EHD1: variants seen among roughly 807,000 people sequenced by gnomAD.
The protein encoded by EHD1 is EH domain containing 1, also known as EH domain-containing protein 1.
A neutral mutation model predicts 39.0 loss-of-function variants in EHD1; 19 were observed. That is an observed-to-expected ratio of 0.49 (90% CI 0.34 to 0.72). The LOEUF is 0.72. Ranked by LOEUF, EHD1 falls within the 30% of genes least tolerant of loss-of-function variation. EHD1 has a pLI of 0.01. For synonymous variants in EHD1, 323 were observed against 331.2 expected (o/e 0.98, Z 0.27); for missense variants, 542 against 751.5 (o/e 0.72, Z 3.26).
intron 2 of EHD1, among the ~76,000 whole-genome samples, chr11:64,873,358 G>A (rs1009324019): frequency 6.6e-5 from 10 of 152,200 alleles, no homozygotes; most frequent in East Asian, 1.9e-4. Flanking sequence ...CCTGCTGGAC[G>A]TGTGAGGAAT....
intron 3 of EHD1, among the ~76,000 whole-genome samples, chr11:64,858,190 C>CTTTCT (rs1555177684): frequency 1.4e-5 from 2 of 142,600 alleles, no homozygotes; most frequent in Non-Finnish European, 3.0e-5. Flanking sequence ...TATTTCTTTT[C>CTTTCT]TTTTTTTTTG....
In EHD1 at chr11:64,854,245, T is replaced by C. The variant is rs2136471627; in HGVS notation, c.*88A>G. The C allele has an allele frequency of 1.4e-6, 2 of 1,477,424 alleles. No individual in the cohort carries two copies. The highest frequency in any genetic ancestry group is 2.4e-5 in the Admixed American group (1 of 42,526). The allele number at this position is 1,477,424 out of a possible 1,614,324, so 91.5% of individuals were successfully genotyped here. On this transcript the variant is annotated 3_prime_UTR_variant, in exon 5 of 5. Transcript: ENST00000320631. The stretch of plus-strand genomic sequence containing the variant: ...CGAGGAAACATCCGCTCAGTCTTTA[T>C]GGACCTTGAGAAATGGTGAGGCTTC...
At chr11:64,876,046 A>G (rs1203749158) in intron 1 of EHD1, among the ~76,000 whole-genome samples, 25 of 152,178 alleles carry the variant, frequency 1.6e-4, no homozygotes, top group Non-Finnish European at 1.5e-5. Flanking sequence ...AAGAAAGGGG[A>G]AGCAGCAAAG....
At position 64,854,644 on chromosome 11, in the gene EHD1, C is replaced by T. The variant is rs145959349; in HGVS notation, c.1294G>A (p.Glu432Lys). The T allele has an allele frequency of 1.2e-5, 19 of 1,613,832 alleles. No homozygotes were observed. Among genetic ancestry groups the T allele is most frequent in the East Asian group, 2.2e-5 (1 of 44,884 alleles). ...FGHGYGEGAG[E>K]GIDDVEWVVG... ...ACCCACTCCACGTCGTCGATGCCCT[C>T]GCCGGCCCCCTCGCCGTAGCCGTGC... The change falls in exon 5 of 5, where the codon GAG (glutamate) becomes AAG (lysine). Residue 432 changes from glutamate to lysine, a missense_variant. Transcript: ENST00000320631.
rs1181843765 is a variant in EHD1, at chr11:64,878,365, G to T, written c.100C>A (p.Leu34Ile). The change falls in exon 1 of 5, where the codon CTA becomes ATA. Residue 34 changes from leucine to isoleucine, a missense_variant. Coordinates refer to ENST00000320631, the MANE Select transcript of EHD1 (RefSeq NM_006795.4). Reference protein sequence around the residue: ...GLRQLYAQKLLPLEEHYRFHE... With the variant: ...GLRQLYAQKLIPLEEHYRFHE... Reference sequence around the variant, plus strand: ...AAGCGGTAGTGCTCCTCCAGGGGTAGCAGCTTCTGCGCGTACAGCTGCCGC... The same window carrying T: ...AAGCGGTAGTGCTCCTCCAGGGGTATCAGCTTCTGCGCGTACAGCTGCCGC... 6.2e-7 allele frequency: 1 copy of T among 1,613,784 alleles called. No homozygotes were observed. Among genetic ancestry groups the T allele is most frequent in the Non-Finnish European group, 8.5e-7 (1 of 1,180,034 alleles).
intron 2 of EHD1, among the ~76,000 whole-genome samples, chr11:64,864,340 C>A (rs567405813): frequency 5.3e-5 from 8 of 152,270 alleles, no homozygotes; most frequent in Non-Finnish European, 1.2e-4. Context: ...CAGGGCACCT[C>A]ATGCCACCAC....
chr11:64,878,972 C>A, upstream of EHD1: 1 of 1,002,598 alleles, frequency 1.0e-6, no homozygotes, highest in Non-Finnish European at 1.2e-6. Flanking sequence ...CGCGGGATGG[C>A]TCCACGAGAC....
At chr11:64,879,669 G>C (rs937842621), upstream of EHD1, 27 of 1,550,578 alleles carry the variant, frequency 1.7e-5, no homozygotes, top group African/African-American at 6.8e-5. Context: ...GCCACACACA[G>C]ACCCCTTTGG....
chr11:64,871,079 A>C (rs1475563987), intron 2 of EHD1, among the ~76,000 whole-genome samples: 8 of 152,178 alleles, frequency 5.3e-5, no homozygotes, highest in Non-Finnish European at 1.0e-4. Context: ...AAGGGGAAAA[A>C]AAGTCAGGAG....
At chr11:64,856,770 G>A in intron 3 of EHD1, 1 of 152,336 alleles carries the variant, frequency 6.6e-6, no homozygotes, top group East Asian at 1.9e-4. Context: ...AGTCATCACA[G>A]AGAGCACCAC....
chr11:64,864,240 C>G (rs1022910170), intron 2 of EHD1, among the ~76,000 whole-genome samples: 1 of 152,214 alleles, frequency 6.6e-6, no homozygotes, highest in African/African-American at 2.4e-5. Flanking sequence ...CGGGGAGGCC[C>G]GATCAGCCTT....
rs1943793205 is a variant in EHD1 at position 64,868,539 on chromosome 11, C to A, written c.502+5882G>T. 6.6e-6 allele frequency among the ~76,000 whole-genome samples: 1 copy of A among 152,212 alleles called. No homozygotes were observed. The highest frequency in any genetic ancestry group is 2.4e-5 in the African/African-American group (1 of 41,454). The stretch of plus-strand genomic sequence containing the variant: ...GGCTCTCAAACACACAGATGCAGCT[C>A]AGAAGCATCCTGCTAAGTGAAGGTG... On this transcript the variant is annotated intron_variant, in intron 2 of 4. Transcript: ENST00000320631. This position sits in a 1 kb window ranked among gnomAD's most constrained non-coding sequence, Gnocchi z 4.2.
intron 2 of EHD1, among the ~76,000 whole-genome samples, chr11:64,862,334 G>A (rs1360401749): frequency 2.0e-5 from 3 of 152,216 alleles, no homozygotes; most frequent in African/African-American, 7.2e-5. Context: ...GAAGGAACCA[G>A]ATATAACTAT....
chr11:64,859,710 T>G, intron 3 of EHD1: 2 of 657,980 alleles, frequency 3.0e-6, no homozygotes, highest in South Asian at 2.2e-5. Flanking sequence ...CAGAACAGGT[T>G]TAGAGGGAGG....
In EHD1 at chr11:64,854,827, A is replaced by T; in HGVS notation, c.1111T>A (p.Phe371Ile). Residue 371 changes from phenylalanine (F) to isoleucine (I), a missense_variant, in exon 5 of 5, where the codon TTC becomes ATC. Phe to Ile is a conservative substitution (Grantham distance 21). Transcript: ENST00000320631. The stretch of plus-strand genomic sequence containing the variant: ...AGCAGCTTGGGCTTCAGCGCCTGGA[A>T]CTTGCTGAAGTCCTGGGTCTGCAGG... ...ELLQTQDFSK[F>I]QALKPKLLDT... The T allele has an allele frequency of 6.2e-7, 1 of 1,600,334 alleles. No homozygotes were observed. Among genetic ancestry groups the T allele is most frequent in the Non-Finnish European group, 8.5e-7 (1 of 1,179,798 alleles).
intron 2 of EHD1, among the ~76,000 whole-genome samples, chr11:64,862,813 G>A (rs535085778): frequency 5.9e-5 from 9 of 152,344 alleles, no homozygotes; most frequent in Non-Finnish European, 1.2e-4. Context: ...GGTTGAGGCT[G>A]CAGTGAGCCG....
At chr11:64,874,301 C>CAA (rs35867760) in intron 2 of EHD1, 120 bp downstream of exon 2, 25,585 of 468,876 alleles carry the variant, frequency 0.055, 16 homozygotes, top group Non-Finnish European at 0.06. Flanking sequence ...AAGACTCCGT[C>CAA]AAAAAAAAAA....
chr11:64,878,142 A>G lies in EHD1; in HGVS notation c.323T>C (p.Val108Ala). Residue 108 changes from valine (V) to alanine (A), a missense_variant, in exon 1 of 5, where the codon GTG becomes GCG. By Grantham distance (64) the Val-to-Ala change is moderately conservative. Coordinates refer to ENST00000320631, the MANE Select transcript of EHD1 (RefSeq NM_006795.4). ...CACCACGAGCGCGTTGCCCGGCACC[A>G]CGCCCTCAGTGGGGCCGTGCATGAC... ...IAVMHGPTEG[V>A]VPGNALVVDP... The G allele has an allele frequency of 6.3e-7, 1 of 1,583,740 alleles. No homozygotes were observed.
intron 3 of EHD1, among the ~76,000 whole-genome samples, chr11:64,858,650 C>T (rs1188664850): frequency 6.6e-6 from 1 of 152,260 alleles, no homozygotes; most frequent in Non-Finnish European, 1.5e-5. Flanking sequence ...CCGGGACTGT[C>T]ACTCATGGTG....
Sources: allele counts gnomAD v4.1 joint callset (sites outside exome capture counted in the v4.1 genomes callset), GRCh38; gene constraint gnomAD v4.1.1; non-coding constraint Gnocchi (gnomAD v3.1); transcripts MANE v1.5; gene names NCBI Gene and HGNC (gene_info 2026-07-23, HGNC 2026-07-21).